Variants in CTNNA3 observed in about 807,000 individuals in gnomAD.
CTNNA3 encodes catenin alpha-3.
CTNNA3 carries 76 observed loss-of-function variants against 95.7 expected under a neutral mutation model. The observed-to-expected ratio is 0.79, with a 90% CI of 0.66 to 0.96. The LOEUF (loss-of-function observed/expected upper bound fraction) is 0.96, where lower values mean the gene tolerates loss of function less well. Ranked by LOEUF, CTNNA3 falls within the 40% of genes least tolerant of loss-of-function variation. CTNNA3 has a pLI of 0.00. For synonymous variants in CTNNA3, 431 were observed against 374.4 expected (o/e 1.15, Z -1.74); for missense variants, 1,191 against 1,089.8 (o/e 1.09, Z -1.31).
chr10:66,767,715 A>C (rs936967132), intron 8 of CTNNA3, among the ~76,000 whole-genome samples: 1 of 152,170 alleles, frequency 6.6e-6, no homozygotes, highest in Non-Finnish European at 1.5e-5. Flanking sequence ...GGAGAGCTGA[A>C]TGATAGAGCT....
At chr10:67,424,431 T>C (rs1845845776) in intron 5 of CTNNA3, among the ~76,000 whole-genome samples, 1 of 152,094 alleles carries the variant, frequency 6.6e-6, no homozygotes, top group African/African-American at 2.4e-5. Flanking sequence ...TTTTTGCTTT[T>C]CCTACCAAAC....
chr10:66,415,286 A>G (rs538136543), intron 11 of CTNNA3, among the ~76,000 whole-genome samples: 22 of 151,846 alleles, frequency 1.4e-4, no homozygotes, highest in Admixed American at 1.4e-3. Context: ...CTGATGACAT[A>G]TGACCACTCC....
chr10:66,629,406 G>A (rs183988671), intron 9 of CTNNA3, among the ~76,000 whole-genome samples: 1 of 152,094 alleles, frequency 6.6e-6, no homozygotes, highest in Admixed American at 6.6e-5. Flanking sequence ...TCATGTATTA[G>A]GTTGGTGCAA....
chr10:67,205,594 G>A (rs566446159), intron 6 of CTNNA3, among the ~76,000 whole-genome samples: 2 of 152,256 alleles, frequency 1.3e-5, no homozygotes, highest in East Asian at 3.9e-4. Flanking sequence ...GGTTACAGGA[G>A]GCTTGAGAAC....
chr10:66,999,361 A>G (rs1851550272), intron 7 of CTNNA3, among the ~76,000 whole-genome samples: 1 of 152,168 alleles, frequency 6.6e-6, no homozygotes, highest in Non-Finnish European at 1.5e-5. Context: ...TTTTCAAGAA[A>G]AAACTTGGGA....
intron 7 of CTNNA3, among the ~76,000 whole-genome samples, chr10:66,819,652 A>G (rs1164217752): frequency 6.6e-6 from 1 of 152,212 alleles, no homozygotes; most frequent in Non-Finnish European, 1.5e-5. Flanking sequence ...TCAACTATTT[A>G]AAAGAATAAC....
At chr10:66,696,400 C>T (rs185293457) in intron 9 of CTNNA3, among the ~76,000 whole-genome samples, 1 of 152,120 alleles carries the variant, frequency 6.6e-6, no homozygotes, top group Admixed American at 6.5e-5. Flanking sequence ...TTTAAACCTT[C>T]AAGCTGGCAA....
chr10:66,891,083 A>G (rs1178824372), intron 7 of CTNNA3, among the ~76,000 whole-genome samples: 1 of 152,106 alleles, frequency 6.6e-6, no homozygotes, highest in Non-Finnish European at 1.5e-5. Context: ...CCATATCTCC[A>G]ATCCAAATCT....
At position 67,668,126 on chromosome 10, in the gene CTNNA3, G is replaced by A. The variant is rs941968365; in HGVS notation, c.-5-20608C>T. On this transcript the variant is annotated intron_variant, in intron 1 of 17. Coordinates refer to ENST00000433211, the MANE Select transcript of CTNNA3 (RefSeq NM_013266.4). The stretch of plus-strand genomic sequence containing the variant: ...TCTCACTCAATGGTTTTTGGTTTTC[G>A]CAGGTGCCTTAAGAACCTACATCTA... Among the ~76,000 whole-genome samples the A allele has an allele frequency of 5.3e-5, 8 of 152,008 alleles. No individual in the cohort carries two copies. In the South Asian group the frequency reaches 8.3e-4, roughly 16 times the overall value.
intron 12 of CTNNA3, among the ~76,000 whole-genome samples, chr10:66,358,883 A>G (rs181496399): frequency 2.0e-5 from 3 of 152,316 alleles, no homozygotes; most frequent in African/African-American, 4.8e-5. Context: ...TACAAAACTT[A>G]TAAAACTTAC....
At chr10:66,196,130 G>A (rs2086947231) in intron 13 of CTNNA3, among the ~76,000 whole-genome samples, 1 of 152,056 alleles carries the variant, frequency 6.6e-6, no homozygotes, top group Non-Finnish European at 1.5e-5. Context: ...TTCCAAATTG[G>A]AAAGATATAC....
intron 7 of CTNNA3, among the ~76,000 whole-genome samples, chr10:66,904,615 C>G (rs1226916160): frequency 6.6e-6 from 1 of 152,016 alleles, no homozygotes; most frequent in Non-Finnish European, 1.5e-5. Flanking sequence ...TACAATCTAC[C>G]CATCTGACAA....
At chr10:66,995,272 C>T (rs1279748242) in intron 7 of CTNNA3, among the ~76,000 whole-genome samples, 1 of 152,158 alleles carries the variant, frequency 6.6e-6, no homozygotes, top group Non-Finnish European at 1.5e-5. Context: ...ACTGAAGACA[C>T]TTTTTCCTCT....
In CTNNA3 at chr10:66,270,365, C is replaced by T. The variant is rs190618273; in HGVS notation, c.1884+10105G>A. Among the ~76,000 whole-genome samples, 55 of 152,080 alleles carry T rather than the reference C, an allele frequency of 3.6e-4. No homozygotes were observed. The East Asian group carries it at 4.9e-3, about 13-fold the overall frequency. On this transcript the variant is annotated intron_variant, in intron 13 of 17. Coordinates refer to ENST00000433211, the MANE Select transcript of CTNNA3 (RefSeq NM_013266.4). ...GAGTATAGGCATGCACCACCATGCC[C>T]GGATAATTTTTCTGTTTTTTACAGA...
intron 1 of CTNNA3, among the ~76,000 whole-genome samples, chr10:67,690,711 C>T (rs1840828276): frequency 6.6e-6 from 1 of 152,202 alleles, no homozygotes; most frequent in Non-Finnish European, 1.5e-5. Context: ...GAAGCCTAGC[C>T]AGCTTCACCT....
At chr10:66,883,552 A>G (rs1317590658) in intron 7 of CTNNA3, among the ~76,000 whole-genome samples, 1 of 152,144 alleles carries the variant, frequency 6.6e-6, no homozygotes, top group Admixed American at 6.6e-5. Flanking sequence ...CCTTACATGT[A>G]TGACCTCTGC....
At chr10:67,400,289 G>A (rs534165372) in intron 5 of CTNNA3, among the ~76,000 whole-genome samples, 1 of 152,238 alleles carries the variant, frequency 6.6e-6, no homozygotes, top group Admixed American at 6.5e-5. Flanking sequence ...CCATAAACAT[G>A]TCAAAGTACT....
intron 15 of CTNNA3, among the ~76,000 whole-genome samples, chr10:66,007,194 A>T (rs1456963394): frequency 2.0e-5 from 3 of 152,200 alleles, no homozygotes; most frequent in African/African-American, 7.2e-5. Context: ...ATTGATTTAC[A>T]TGCTTTATTG....
At chr10:66,555,472 C>A (rs577969758) in intron 10 of CTNNA3, among the ~76,000 whole-genome samples, 1 of 152,020 alleles carries the variant, frequency 6.6e-6, no homozygotes, top group Admixed American at 6.6e-5. Flanking sequence ...TAAAAATAAT[C>A]ACTGTTACAT....
Sources: allele counts gnomAD v4.1 joint callset (sites outside exome capture counted in the v4.1 genomes callset), GRCh38; gene constraint gnomAD v4.1.1; transcripts MANE v1.5; gene names NCBI Gene and HGNC (gene_info 2026-07-23, HGNC 2026-07-21).